TRMT9B: variants seen among roughly 807,000 people sequenced by gnomAD.
TRMT9B encodes probable tRNA methyltransferase 9B.
A neutral mutation model predicts 11.5 loss-of-function variants in TRMT9B; 16 were observed. That is an observed-to-expected ratio of 1.39 (90% CI 0.94 to 2.11). The LOEUF (loss-of-function observed/expected upper bound fraction) is 2.11. TRMT9B is among the 30% of genes most tolerant of loss of function. TRMT9B has a pLI of 0.00. For missense variants in TRMT9B, 941 were observed against 553.8 expected (o/e 1.70, Z -7.02); for synonymous variants, 274 against 192.4 (o/e 1.42, Z -3.51).
intron 2 of TRMT9B, among the ~76,000 whole-genome samples, chr8:12,997,247 T>G (rs530375102): frequency 9.1e-4 from 139 of 152,162 alleles, no homozygotes; most frequent in Middle Eastern, 3.4e-3. Flanking sequence ...CTTGGCATCC[T>G]CCTTATGGTA....
intron 1 of TRMT9B, among the ~76,000 whole-genome samples, chr8:12,952,907 T>C (rs926086009): frequency 1.3e-5 from 2 of 152,126 alleles, no homozygotes; most frequent in African/African-American, 2.4e-5. Context: ...GCCTGGCTAA[T>C]TTTTGTATTT....
chr8:12,986,689 T>C (rs922884709), intron 1 of TRMT9B, among the ~76,000 whole-genome samples: 45 of 152,226 alleles, frequency 3.0e-4, no homozygotes, highest in African/African-American at 1.1e-3. Context: ...TTCTTCCTTA[T>C]TTTAGGATAG....
intron 1 of TRMT9B, chr8:12,952,445 C>T: frequency 3.5e-6 from 1 of 289,090 alleles, no homozygotes; most frequent in Admixed American, 4.7e-5. Flanking sequence ...TCAAAACAGG[C>T]GAGACAGCCA....
chr8:13,023,805 T>C lies in TRMT9B; in HGVS notation c.*1761T>C, dbSNP rs550689157. On this transcript the variant is annotated 3_prime_UTR_variant, in exon 5 of 5. Coordinates refer to ENST00000524591, the MANE Select transcript of TRMT9B (RefSeq NM_020844.3). ...GTGCTATAACTTAAAATAATGATGT[T>C]ACTTTTGAACAAACTTAAAGAAATA... is the stretch of plus-strand genomic sequence containing the variant. The C allele has an allele frequency of 6.0e-6, 1 of 166,730 alleles. No individual in the cohort carries two copies. Among genetic ancestry groups the C allele is most frequent in the South Asian group, 2.1e-4 (1 of 4,826 alleles). The allele number at this position is 166,730 out of a possible 1,614,324, so 10.3% of individuals were successfully genotyped here.
chr8:13,013,043 A>G (rs1811949238), intron 4 of TRMT9B, among the ~76,000 whole-genome samples, 186 bp downstream of exon 4: 1 of 152,230 alleles, frequency 6.6e-6, no homozygotes, highest in African/African-American at 2.4e-5. Context: ...TATGGCACAT[A>G]TGATTGTTTT....
intron 1 of TRMT9B, among the ~76,000 whole-genome samples, chr8:12,986,493 C>T (rs1806331633): frequency 6.6e-6 from 1 of 152,200 alleles, no homozygotes; most frequent in African/African-American, 2.4e-5. Context: ...CAAGGCATTG[C>T]TGACCATTAT....
chr8:12,980,488 G>C (rs1269720034), intron 1 of TRMT9B, among the ~76,000 whole-genome samples: 3 of 152,150 alleles, frequency 2.0e-5, no homozygotes, highest in Non-Finnish European at 4.4e-5. Flanking sequence ...TCACGGGACG[G>C]GGAGTGGGCA....
At chr8:13,018,674 A>G (rs887120686) in intron 4 of TRMT9B, among the ~76,000 whole-genome samples, 1 of 152,062 alleles carries the variant, frequency 6.6e-6, no homozygotes, top group Non-Finnish European at 1.5e-5. Context: ...TGATCACAAC[A>G]TTTTTGTCAG....
chr8:13,006,405 G>A (rs1158897960), intron 3 of TRMT9B, 49 bp downstream of exon 3: 5 of 1,476,888 alleles, frequency 3.4e-6, no homozygotes, highest in East Asian at 4.9e-5. Flanking sequence ...CAGCCTCATC[G>A]CTGACATAGG....
intron 1 of TRMT9B, chr8:12,970,099 A>G (rs1201829633): frequency 2.6e-5 from 4 of 152,096 alleles, no homozygotes; most frequent in African/African-American, 9.7e-5. Context: ...TGCTGAATAA[A>G]CTTTAGCCCC....
At position 13,011,731 on chromosome 8, in the gene TRMT9B, TC is replaced by T. The variant is rs974768140; in HGVS notation, c.155-952del. The T allele has an allele frequency of 3.1e-6, 3 of 970,508 alleles. No homozygotes were observed. In the African/African-American group the frequency reaches 5.3e-5, roughly 17 times the overall value. 60.1% of individuals were successfully genotyped at this position (970,508 alleles called of 1,614,324 possible). A position where few individuals can be genotyped will look rare whatever the true frequency, so the allele number is the denominator to read the frequency against. On this transcript the variant is annotated intron_variant, in intron 3 of 4. Coordinates refer to ENST00000524591, the MANE Select transcript of TRMT9B (RefSeq NM_020844.3). ...GGTCTCTGCTACTGGAAAGTGAATA[TC>T]AAAAATTGTCTATTTAAGAAAAAAA...
intron 1 of TRMT9B, among the ~76,000 whole-genome samples, chr8:12,982,402 C>T (rs1805558713): frequency 6.6e-6 from 1 of 152,186 alleles, no homozygotes; most frequent in African/African-American, 2.4e-5. Context: ...TGGCTTATGC[C>T]TGTAATCCCA....
Position 13,021,334 on chromosome 8 carries a change from C to A in TRMT9B, c.655C>A (p.Pro219Thr), listed in dbSNP as rs505480. 88,250 of 1,613,954 alleles carry A rather than the reference C, an allele frequency of 0.055. 2,679 individuals carry two copies. The highest frequency in any genetic ancestry group is 0.088 in the African/African-American group (6,617 of 75,016). The change falls in exon 5 of 5, where the codon CCT becomes ACT. Residue 219 changes from proline to threonine, a missense_variant. Physicochemically the swap from Pro to Thr is conservative, Grantham distance 38. Transcript: ENST00000524591. ...SKRSHSVGYE[P>T]AMARTCFANI... is the part of the protein sequence containing the mutation. ...ACGGTCCCACAGCGTGGGCTATGAA[C>A]CTGCTATGGCAAGAACCTGTTTTGC...
At chr8:13,012,365 T>C (rs1395018793) in intron 3 of TRMT9B, 5 of 778,970 alleles carry the variant, frequency 6.4e-6, no homozygotes, top group Non-Finnish European at 7.8e-6. Context: ...TCACCTGAGG[T>C]TGGGAGTTCG....
chr8:13,006,250 G>C lies in TRMT9B; in HGVS notation c.48G>C (p.Val16=). 6.2e-7 allele frequency: 1 copy of C among 1,613,990 alleles called. No individual in the cohort carries two copies. The highest frequency in any genetic ancestry group is 1.1e-5 in the South Asian group (1 of 91,058). Residue 16 remains valine, a synonymous_variant, in exon 3 of 5, where the codon GTG becomes GTC. Coordinates refer to ENST00000524591, the MANE Select transcript of TRMT9B (RefSeq NM_020844.3). ...AQLEKQHVHN[V]YESTAPYFSD... ...TGGAGAAGCAGCATGTGCACAATGT[G>C]TACGAGAGCACAGCCCCTTACTTCA...
chr8:13,020,018 C>G (rs898706517), intron 4 of TRMT9B, among the ~76,000 whole-genome samples: 6 of 152,144 alleles, frequency 3.9e-5, no homozygotes, highest in African/African-American at 1.4e-4. Context: ...CTAGTTTGAT[C>G]TGTACACAAC....
chr8:12,963,390 ACCACTGCACT>A (rs1436197380), intron 1 of TRMT9B, among the ~76,000 whole-genome samples: 4 of 152,246 alleles, frequency 2.6e-5, no homozygotes, highest in African/African-American at 9.6e-5. Context: ...CCAAGATTGC[ACCACTGCACT>A]CCAGCCTGGG....
At chr8:12,952,276 C>A (rs893299735) in intron 1 of TRMT9B, 2 of 398,144 alleles carry the variant, frequency 5.0e-6, no homozygotes, top group Non-Finnish European at 1.0e-5. Context: ...TCCGCTGCCT[C>A]GGCGCCCGCC....
At chr8:12,957,448 T>G (rs1801460802) in intron 1 of TRMT9B, among the ~76,000 whole-genome samples, 1 of 132,266 alleles carries the variant, frequency 7.6e-6, no homozygotes, top group Admixed American at 8.3e-5. Context: ...CCATGGGACA[T>G]CAAATTTATG....
Sources: gnomAD v4.1 joint callset for allele counts (sites outside exome capture counted in the v4.1 genomes callset) on GRCh38, gnomAD v4.1.1 for gene constraint, MANE v1.5 for transcripts, NCBI Gene and HGNC (gene_info 2026-07-23, HGNC 2026-07-21) for gene names.